CDK14: variants seen among roughly 807,000 people sequenced by gnomAD.
The protein encoded by CDK14 is cyclin dependent kinase 14, also known as cyclin-dependent kinase 14.
A neutral mutation model predicts 60.7 loss-of-function variants in CDK14; 34 were observed. The observed-to-expected ratio is 0.56, with a 90% confidence interval of 0.43 to 0.75. The LOEUF (loss-of-function observed/expected upper bound fraction) is 0.75, where lower values mean the gene tolerates loss of function less well. CDK14 is among the 30% of genes least tolerant of loss of function. The pLI is 0.00. For missense variants in CDK14, 482 were observed against 564.1 expected (o/e 0.85, Z 1.47); for synonymous variants, 197 against 203.7 (o/e 0.97, Z 0.28).
chr7:91,048,010 A>G (rs764289867), intron 11 of CDK14, among the ~76,000 whole-genome samples: 68 of 152,172 alleles, frequency 4.5e-4, no homozygotes, highest in Non-Finnish European at 7.6e-4. Flanking sequence ...ATTTACCCCG[A>G]AGTGTGCCCT....
At chr7:91,065,795 A>C (rs1797957068) in intron 11 of CDK14, among the ~76,000 whole-genome samples, 1 of 152,254 alleles carries the variant, frequency 6.6e-6, no homozygotes, top group Admixed American at 6.5e-5. Flanking sequence ...AGTTGCAGAC[A>C]CACAATAAGT....
chr7:90,765,716 CTT>C (rs1351102545), intron 4 of CDK14, among the ~76,000 whole-genome samples: 6 of 151,154 alleles, frequency 4.0e-5, no homozygotes, highest in Non-Finnish European at 1.5e-5. Context: ...ATAAGCTACT[CTT>C]TTTAGCAGTG....
Position 91,208,103 on chromosome 7 carries a change from A to G in CDK14, c.*967A>G, listed in dbSNP as rs1802956514. The G allele has an allele frequency of 6.6e-6, 1 of 152,636 alleles. No homozygotes were observed. The highest frequency in any genetic ancestry group is 6.5e-5 in the Admixed American group (1 of 15,290). The allele number at this position is 152,636 out of a possible 1,614,324, so 9.5% of individuals were successfully genotyped here. ...GGCTTACAAAGTAAATTACAAAGTG[A>G]TCCAGTTCAAAGTTTGCTTAGTTAC... On this transcript the variant is annotated 3_prime_UTR_variant, in exon 15 of 15. Transcript: ENST00000380050.
At chr7:91,175,629 G>T (rs565128030) in intron 14 of CDK14, among the ~76,000 whole-genome samples, 1 of 150,894 alleles carries the variant, frequency 6.6e-6, no homozygotes, top group African/African-American at 2.4e-5. Flanking sequence ...CCAAGCCAAT[G>T]GAAAACAAAA....
chr7:90,603,487 C>T (rs969918605), intron 1 of CDK14, among the ~76,000 whole-genome samples: 2 of 152,048 alleles, frequency 1.3e-5, no homozygotes, highest in Admixed American at 1.3e-4. Context: ...ACCATATAGC[C>T]TAGGTGTGTA....
In CDK14 at chr7:91,114,967, G is replaced by A. The variant is rs562437113; in HGVS notation, c.1294+2286G>A. On this transcript the variant is annotated intron_variant, in intron 13 of 14. Transcript: ENST00000380050. ...AGTATTCTGCAGAGTATATTTAGAA[G>A]TTTTTTAAATTTTTATAATTAAATT... 3.9e-5 allele frequency among the ~76,000 whole-genome samples: 6 copies of A among 152,254 alleles called. No individual in the cohort carries two copies. In the South Asian group the frequency reaches 1.0e-3, roughly 26 times the overall value.
At chr7:90,787,623 A>T (rs1805653060) in intron 4 of CDK14, among the ~76,000 whole-genome samples, 1 of 152,196 alleles carries the variant, frequency 6.6e-6, no homozygotes, top group Non-Finnish European at 1.5e-5. Context: ...GGTCCTAGAT[A>T]CTGAGCACAT....
intron 7 of CDK14, among the ~76,000 whole-genome samples, chr7:90,914,918 C>T (rs915043169): frequency 4.6e-5 from 7 of 152,018 alleles, no homozygotes; most frequent in East Asian, 1.9e-4. Flanking sequence ...ACCTATTACC[C>T]GAGTATATAA....
intron 8 of CDK14, among the ~76,000 whole-genome samples, chr7:90,944,773 C>G (rs1379370943): frequency 6.6e-6 from 1 of 152,106 alleles, no homozygotes; most frequent in Non-Finnish European, 1.5e-5. Flanking sequence ...GAAAATTGGT[C>G]TGCCCCACCT....
intron 2 of CDK14, among the ~76,000 whole-genome samples, chr7:90,627,520 A>G (rs775514827): frequency 6.6e-5 from 10 of 152,104 alleles, no homozygotes; most frequent in Non-Finnish European, 1.3e-4. Context: ...GCTAGCACAG[A>G]TCTTTACTGT....
chr7:91,148,359 C>T (rs950964763), intron 14 of CDK14, among the ~76,000 whole-genome samples: 3 of 151,972 alleles, frequency 2.0e-5, no homozygotes, highest in Non-Finnish European at 2.9e-5. Context: ...GGCAATCAAG[C>T]GAGACCCTGT....
At chr7:90,657,913 A>G (rs945480309) in intron 2 of CDK14, among the ~76,000 whole-genome samples, 16 of 152,238 alleles carry the variant, frequency 1.1e-4, no homozygotes, top group African/African-American at 3.6e-4. Flanking sequence ...CATGAAGGTC[A>G]TAGAGCTAGT....
intron 14 of CDK14, among the ~76,000 whole-genome samples, chr7:91,125,313 A>G (rs952283546): frequency 6.6e-6 from 1 of 152,252 alleles, no homozygotes; most frequent in Non-Finnish European, 1.5e-5. Flanking sequence ...AATTCTAGAC[A>G]GATAGCAAAT....
intron 5 of CDK14, among the ~76,000 whole-genome samples, chr7:90,791,071 C>A (rs1805810107): frequency 6.6e-6 from 1 of 152,096 alleles, no homozygotes. Context: ...TGTTTCTATC[C>A]TTTACTGTAC....
At chr7:90,638,323 C>T (rs1800213180) in intron 2 of CDK14, among the ~76,000 whole-genome samples, 1 of 152,020 alleles carries the variant, frequency 6.6e-6, no homozygotes, top group African/African-American at 2.4e-5. Flanking sequence ...TAGGGTAGGC[C>T]TGGTGGTGAC....
At chr7:91,021,230 G>T (rs570551621) in intron 10 of CDK14, among the ~76,000 whole-genome samples, 1 of 152,184 alleles carries the variant, frequency 6.6e-6, no homozygotes, top group Non-Finnish European at 1.5e-5. Flanking sequence ...AGTGGGAGGG[G>T]TTTGTACAAG....
rs11317741 is a variant in CDK14, at chr7:90,969,968, C to CT, written c.948-14164dup. On this transcript the variant is annotated intron_variant, in intron 9 of 14. Coordinates refer to ENST00000380050, the MANE Select transcript of CDK14 (RefSeq NM_001287135.2). ...TAGGAGTCTGTGTTGAATTTTTAAGCTTTTTTTTTTTTTTTTGAGATGGAG... is the reference window on the plus strand; with the variant it reads ...TAGGAGTCTGTGTTGAATTTTTAAGCTTTTTTTTTTTTTTTTTGAGATGGAG... Among the ~76,000 whole-genome samples the CT allele has an allele frequency of 3.8e-3, 459 of 122,390 alleles. 2 individuals carry two copies. The highest frequency in any genetic ancestry group is 0.012 in the African/African-American group (385 of 32,668). 80.3% of individuals were successfully genotyped at this position (122,390 alleles called of 152,430 possible).
intron 4 of CDK14, among the ~76,000 whole-genome samples, chr7:90,753,642 A>G (rs539621771): frequency 3.3e-5 from 5 of 152,290 alleles, no homozygotes; most frequent in Non-Finnish European, 7.4e-5. Flanking sequence ...GGCCAGAGCA[A>G]TCAGGCAAGA....
chr7:91,193,161 A>G (rs998254459), intron 14 of CDK14, among the ~76,000 whole-genome samples: 6 of 152,300 alleles, frequency 3.9e-5, no homozygotes, highest in South Asian at 4.1e-4. Flanking sequence ...AATATGTTCT[A>G]AAATTATGGC....
Sources: gnomAD v4.1 joint callset for allele counts (sites outside exome capture counted in the v4.1 genomes callset) on GRCh38, gnomAD v4.1.1 for gene constraint, MANE v1.5 for transcripts, NCBI Gene and HGNC (gene_info 2026-07-23, HGNC 2026-07-21) for gene names.